MFHAS1: variants seen among roughly 807,000 people sequenced by gnomAD.
MFHAS1 encodes the protein multifunctional ROCO family signaling regulator 1, also known as malignant fibrous histiocytoma-amplified sequence 1.
In MFHAS1, 50 loss-of-function variants were observed where a neutral mutation model predicts 70.4. The ratio of observed to expected loss-of-function variants is 0.71; its 90% CI spans 0.57 to 0.90. MFHAS1 has a LOEUF of 0.90. Among genes scored for constraint, MFHAS1 ranks in the 40% least tolerant of loss-of-function variants. The pLI is 0.00. For missense variants in MFHAS1, 1,795 were observed against 1,347.6 expected (o/e 1.33, Z -5.20); for synonymous variants, 952 against 620.0 (o/e 1.54, Z -7.96).
intron 1 of MFHAS1, among the ~76,000 whole-genome samples, chr8:8,800,705 A>T (rs1806056148): frequency 6.6e-6 from 1 of 152,202 alleles, no homozygotes; most frequent in African/African-American, 2.4e-5. Context: ...GCTTGAACAC[A>T]GATGCAGCTT....
intron 1 of MFHAS1, among the ~76,000 whole-genome samples, chr8:8,816,652 A>G (rs777854668): frequency 6.6e-6 from 1 of 152,242 alleles, no homozygotes; most frequent in Non-Finnish European, 1.5e-5. Context: ...GCTCTACGCA[A>G]ACATGTAGAA....
Position 8,892,348 on chromosome 8 carries a change from G to T in MFHAS1, c.711C>A (p.Ala237=). ...RALKILWLSG[A]ELGTLPAGFC... Reference sequence around the variant, plus strand: ...AGCCGGCGGGCAGCGTGCCAAGCTCGGCCCCACTCAGCCAGAGGATCTTGA... The same window carrying T: ...AGCCGGCGGGCAGCGTGCCAAGCTCTGCCCCACTCAGCCAGAGGATCTTGA... Residue 237 remains alanine (A), a synonymous_variant, in exon 1 of 3, where the codon GCC becomes GCA. Transcript: ENST00000276282. This position sits in a 1 kb window ranked among gnomAD's most constrained non-coding sequence, Gnocchi z 4.7. The T allele has an allele frequency of 1.9e-6, 3 of 1,612,104 alleles. No individual in the cohort carries two copies. The highest frequency in any genetic ancestry group is 2.5e-6 in the Non-Finnish European group (3 of 1,179,958).
intron 1 of MFHAS1, among the ~76,000 whole-genome samples, chr8:8,882,441 C>T (rs776130335): frequency 6.6e-6 from 1 of 151,700 alleles, no homozygotes; most frequent in African/African-American, 2.4e-5. Flanking sequence ...CAAAAAAGCA[C>T]TTGCCAGGCA....
At chr8:8,792,895 A>C (rs1213354713) in intron 2 of MFHAS1, among the ~76,000 whole-genome samples, 1 of 151,500 alleles carries the variant, frequency 6.6e-6, no homozygotes, top group Non-Finnish European at 1.5e-5. Context: ...AGAGCGACCC[A>C]GGCAAATTTG....
At position 8,885,080 on chromosome 8, in the gene MFHAS1, C is replaced by T. The variant is rs75329821; in HGVS notation, c.2998+4981G>A. Among the ~76,000 whole-genome samples, 269 of 152,120 alleles carry T rather than the reference C, an allele frequency of 1.8e-3. 2 individuals carry two copies. The highest frequency in any genetic ancestry group is 6.2e-3 in the African/African-American group (258 of 41,474). ...TGGCTCAGAAGCAGCAAGTGAACAACCTAATCAAAGATATATCATGACGCA... is the reference window on the plus strand; with the variant it reads ...TGGCTCAGAAGCAGCAAGTGAACAATCTAATCAAAGATATATCATGACGCA... On this transcript the variant is annotated intron_variant, in intron 1 of 2. Transcript: ENST00000276282.
chr8:8,832,069 C>CAT (rs1807416059), intron 1 of MFHAS1, among the ~76,000 whole-genome samples: 1 of 151,416 alleles, frequency 6.6e-6, no homozygotes, highest in Non-Finnish European at 1.5e-5. Flanking sequence ...CGCGCACACA[C>CAT]ACACACACAC....
In MFHAS1 at chr8:8,814,281, A is replaced by G. The variant is rs955068203; in HGVS notation, c.2999-16790T>C. 2.6e-4 allele frequency among the ~76,000 whole-genome samples: 39 copies of G among 152,070 alleles called. 1 individual carries two copies. Among genetic ancestry groups the G allele is most frequent in the Non-Finnish European group, 1.2e-4 (8 of 68,012 alleles). ...ACTGTATTTTGATTGTACCTTTTCT[A>G]AGGTTAGATGCACAAATACTTACCA... On this transcript the variant is annotated intron_variant, in intron 1 of 2. Coordinates refer to ENST00000276282, the MANE Select transcript of MFHAS1 (RefSeq NM_004225.3).
chr8:8,810,242 T>G (rs1255054723), intron 1 of MFHAS1, among the ~76,000 whole-genome samples: 1 of 152,230 alleles, frequency 6.6e-6, no homozygotes, highest in Non-Finnish European at 1.5e-5. Context: ...GGTGGGCACC[T>G]GTAATCTCAA....
At chr8:8,833,695 C>CA (rs1185080990) in intron 1 of MFHAS1, among the ~76,000 whole-genome samples, 1 of 152,114 alleles carries the variant, frequency 6.6e-6, no homozygotes, top group Non-Finnish European at 1.5e-5. Context: ...TATGACCTAG[C>CA]AATTCTAATC....
intron 1 of MFHAS1, among the ~76,000 whole-genome samples, chr8:8,881,962 GC>G (rs1809543022): frequency 1.3e-5 from 2 of 152,128 alleles, no homozygotes; most frequent in African/African-American, 4.8e-5. Context: ...GCTGCTAAGT[GC>G]CCCTTGCCCA....
chr8:8,829,617 G>A lies in MFHAS1; in HGVS notation c.2999-32126C>T, dbSNP rs1169268476. Among the ~76,000 whole-genome samples, 3 of 152,192 alleles carry A rather than the reference G, an allele frequency of 2.0e-5. No individual in the cohort carries two copies. In the East Asian group the frequency reaches 5.8e-4, roughly 29 times the overall value. On this transcript the variant is annotated intron_variant, in intron 1 of 2. Transcript: ENST00000276282. ...AATCGCTTGAACCCAGTAGGTGGAG[G>A]TTGCAGTGAGCCGAGATCACGCCAC...
At chr8:8,862,036 G>C (rs1409799658) in intron 1 of MFHAS1, among the ~76,000 whole-genome samples, 1 of 152,114 alleles carries the variant, frequency 6.6e-6, no homozygotes, top group Non-Finnish European at 1.5e-5. Context: ...ATTTCCCTTG[G>C]GTGAATTAAC....
At chr8:8,877,417 T>G (rs918328984) in intron 1 of MFHAS1, among the ~76,000 whole-genome samples, 4 of 152,016 alleles carry the variant, frequency 2.6e-5, no homozygotes, top group African/African-American at 9.7e-5. Context: ...ATAGTGAAAC[T>G]TAAACAGCCC....
intron 2 of MFHAS1, among the ~76,000 whole-genome samples, chr8:8,794,259 A>C (rs540421493): frequency 1.3e-5 from 2 of 152,224 alleles, no homozygotes; most frequent in Admixed American, 6.5e-5. Context: ...GTTGAAAGCC[A>C]GTGCAATAGC....
In MFHAS1 at chr8:8,891,165, G is replaced by A. The variant is rs753573919; in HGVS notation, c.1894C>T (p.Pro632Ser). 1.2e-6 allele frequency: 2 copies of A among 1,613,344 alleles called. No individual in the cohort carries two copies. Among genetic ancestry groups the A allele is most frequent in the East Asian group, 2.2e-5 (1 of 44,898 alleles). Residue 632 changes from proline to serine, a missense_variant, in exon 1 of 3, where the codon CCG (proline) becomes TCG (serine). Transcript: ENST00000276282. This position sits in a 1 kb window ranked among gnomAD's most constrained non-coding sequence, Gnocchi z 5.4. The part of the protein sequence containing the change: ...SPVLPVSCRD[P>S]RHLRRLRDKL... ...TCCCGAAGGCGTCGTAAGTGGCGCG[G>A]GTCCCTGCAGCTAACAGGCAACACG...
chr8:8,846,105 T>C (rs745752507), intron 1 of MFHAS1, among the ~76,000 whole-genome samples: 3 of 151,326 alleles, frequency 2.0e-5, no homozygotes, highest in Non-Finnish European at 4.4e-5. Context: ...ACACAAAAAT[T>C]AGCTGGACAT....
At chr8:8,848,677 G>A (rs1286677358) in intron 1 of MFHAS1, among the ~76,000 whole-genome samples, 1 of 152,142 alleles carries the variant, frequency 6.6e-6, no homozygotes, top group Non-Finnish European at 1.5e-5. Flanking sequence ...CATAAATTGA[G>A]TACTCAATAG....
intron 1 of MFHAS1, chr8:8,860,163 C>T (rs1433039476): frequency 6.6e-6 from 1 of 152,176 alleles, no homozygotes; most frequent in African/African-American, 2.4e-5. Context: ...AGAGGGAGCA[C>T]ACGCAGGCCT....
In MFHAS1 at chr8:8,854,508, G is replaced by A. The variant is rs189536495; in HGVS notation, c.2998+35553C>T. ...TGCACTCCAGCCTGGGCAACAGAGC[G>A]AGACTCTGTCTCAAAAAAAAAAAAA... is the stretch of plus-strand genomic sequence containing the variant. On this transcript the variant is annotated intron_variant, in intron 1 of 2. Transcript: ENST00000276282. Among the ~76,000 whole-genome samples, 449 of 136,816 alleles carry A rather than the reference G, an allele frequency of 3.3e-3. 2 individuals are homozygous for A. Among genetic ancestry groups the A allele is most frequent in the African/African-American group, 0.012 (424 of 35,178 alleles). 89.8% of individuals were successfully genotyped at this position (136,816 alleles called of 152,430 possible).
Sources: allele counts gnomAD v4.1 joint callset (sites outside exome capture counted in the v4.1 genomes callset), GRCh38; gene constraint gnomAD v4.1.1; non-coding constraint Gnocchi (gnomAD v3.1); transcripts MANE v1.5; gene names NCBI Gene and HGNC (gene_info 2026-07-23, HGNC 2026-07-21).